The following KIAA1328 variants were observed in gnomAD, a reference collection of about 807,000 sequenced individuals.
The protein encoded by KIAA1328 is protein hinderin.
A neutral mutation model predicts 68.1 loss-of-function variants in KIAA1328; 52 were observed. That is an observed-to-expected ratio of 0.76 (90% CI 0.61 to 0.96). The LOEUF (loss-of-function observed/expected upper bound fraction) is 0.96. Among genes scored for constraint, KIAA1328 ranks in the 40% least tolerant of loss-of-function variants. The probability of loss-of-function intolerance (pLI) is 0.00; values close to 1 mark genes in which losing one functional copy is unlikely to be tolerated. For missense variants in KIAA1328, 641 were observed against 677.6 expected (o/e 0.95, Z 0.60); for synonymous variants, 232 against 239.4 (o/e 0.97, Z 0.28).
At chr18:37,160,101 C>G in intron 7 of KIAA1328, 99 bp from the exon 8 acceptor site, 1 of 869,626 alleles carries the variant, frequency 1.1e-6, no homozygotes, top group East Asian at 2.8e-5. Flanking sequence ...AAAGAGAGTT[C>G]TTAATGAATT....
chr18:37,220,930 G>A (rs541772328), intron 9 of KIAA1328, among the ~76,000 whole-genome samples: 8 of 152,266 alleles, frequency 5.3e-5, no homozygotes, highest in African/African-American at 1.2e-4. Flanking sequence ...AGGTTCAAGC[G>A]ATTCTCCTGC....
chr18:37,042,088 G>A (rs1209192602), intron 6 of KIAA1328, among the ~76,000 whole-genome samples: 3 of 151,852 alleles, frequency 2.0e-5, no homozygotes, highest in Non-Finnish European at 4.4e-5. Flanking sequence ...TGTAGAGTTA[G>A]GTTTTCACCG....
At chr18:37,081,047 C>A (rs989663393) in intron 7 of KIAA1328, among the ~76,000 whole-genome samples, 1 of 151,944 alleles carries the variant, frequency 6.6e-6, no homozygotes, top group Non-Finnish European at 1.5e-5. Context: ...GTGGCGTGAT[C>A]TCGACTCACT....
chr18:37,203,326 T>G (rs1313955602), intron 9 of KIAA1328, among the ~76,000 whole-genome samples: 4 of 152,040 alleles, frequency 2.6e-5, no homozygotes, highest in African/African-American at 4.8e-5. Flanking sequence ...TTTTTCCCAT[T>G]CTCTTTCCCC....
chr18:37,102,405 G>A (rs139611018), intron 7 of KIAA1328, among the ~76,000 whole-genome samples: 208 of 152,238 alleles, frequency 1.4e-3, no homozygotes, highest in African/African-American at 4.9e-3. Context: ...TGCACATCCT[G>A]CACATGCACC....
At chr18:36,961,342 G>A (rs1229151915) in intron 6 of KIAA1328, among the ~76,000 whole-genome samples, 27 of 152,140 alleles carry the variant, frequency 1.8e-4, no homozygotes, top group Admixed American at 1.8e-3. Flanking sequence ...ACATTTGGTT[G>A]GTGTACCTGA....
At chr18:37,094,408 C>T (rs1361015412) in intron 7 of KIAA1328, among the ~76,000 whole-genome samples, 1 of 152,070 alleles carries the variant, frequency 6.6e-6, no homozygotes, top group East Asian at 1.9e-4. Flanking sequence ...CAAAGTTATC[C>T]TTCAAAAATG....
At chr18:36,941,173 G>A (rs1481441817) in intron 5 of KIAA1328, among the ~76,000 whole-genome samples, 1 of 152,150 alleles carries the variant, frequency 6.6e-6, no homozygotes, top group Non-Finnish European at 1.5e-5. Context: ...AAAAGGGACA[G>A]ATTTCAATAT....
chr18:37,048,493 C>A (rs537765690), intron 6 of KIAA1328, among the ~76,000 whole-genome samples: 1 of 152,234 alleles, frequency 6.6e-6, no homozygotes, highest in South Asian at 2.1e-4. Flanking sequence ...GTCTATTTGC[C>A]TATCCTTACT....
intron 4 of KIAA1328, among the ~76,000 whole-genome samples, chr18:36,854,925 G>A (rs2047334220): frequency 6.6e-6 from 1 of 152,062 alleles, no homozygotes; most frequent in Non-Finnish European, 1.5e-5. Flanking sequence ...GTGATCTTTT[G>A]TGTTTGGCTT....
At chr18:36,992,451 C>CTTTTTTTTTT (rs71168252) in intron 6 of KIAA1328, among the ~76,000 whole-genome samples, 243 of 129,940 alleles carry the variant, frequency 1.9e-3, no homozygotes, top group African/African-American at 6.6e-3. Flanking sequence ...TCTTTTCTTT[C>CTTTTTTTTTT]TTTTTTTTTT....
rs539128390 is a variant in KIAA1328, at chr18:37,132,157, G to C, written c.1233-28043G>C. 1.9e-4 allele frequency among the ~76,000 whole-genome samples: 29 copies of C among 152,134 alleles called. No individual in the cohort carries two copies. In the South Asian group the frequency reaches 6.0e-3, roughly 32 times the overall value. On this transcript the variant is annotated intron_variant, in intron 7 of 9. Coordinates refer to ENST00000280020, the MANE Select transcript of KIAA1328 (RefSeq NM_020776.3). ...AAGCTGCCTTCTATCTATGTCCAAGGGCCATTTTTGAGGCCCCTGTGATGG... is the reference window on the plus strand; with the variant it reads ...AAGCTGCCTTCTATCTATGTCCAAGCGCCATTTTTGAGGCCCCTGTGATGG...
chr18:37,177,799 A>C (rs983354384), intron 9 of KIAA1328, among the ~76,000 whole-genome samples: 47 of 152,074 alleles, frequency 3.1e-4, no homozygotes, highest in African/African-American at 1.1e-3. Flanking sequence ...GGACTTGATA[A>C]ATTATTTGGG....
intron 7 of KIAA1328, among the ~76,000 whole-genome samples, chr18:37,099,595 T>C (rs2057533879): frequency 6.6e-6 from 1 of 152,212 alleles, no homozygotes; most frequent in Non-Finnish European, 1.5e-5. Flanking sequence ...TTAGGTCTGC[T>C]TGGTGCAGAG....
chr18:37,133,316 GAA>G (rs879536664), intron 7 of KIAA1328, among the ~76,000 whole-genome samples: 2 of 120,006 alleles, frequency 1.7e-5, no homozygotes, highest in African/African-American at 3.1e-5. Context: ...TGGGCAATAA[GAA>G]AAAAAAAAAA....
intron 9 of KIAA1328, among the ~76,000 whole-genome samples, chr18:37,211,726 A>G (rs1457464712): frequency 6.6e-6 from 1 of 152,196 alleles, no homozygotes; most frequent in East Asian, 1.9e-4. Flanking sequence ...TTTCCATGTT[A>G]TAAATTTTTT....
chr18:37,224,371 G>A lies in KIAA1328; in HGVS notation c.*2144G>A, dbSNP rs889074664. On this transcript the variant is annotated 3_prime_UTR_variant, in exon 10 of 10. Coordinates refer to ENST00000280020, the MANE Select transcript of KIAA1328 (RefSeq NM_020776.3). ...CAGAGTGGAGTTTTATTGCTTCTTT[G>A]CCTCTCCATGAATGGCCAATTTGGA... The A allele has an allele frequency of 1.0e-6, 1 of 985,146 alleles. No homozygotes were observed. Among genetic ancestry groups the A allele is most frequent in the Admixed American group, 6.2e-5 (1 of 16,234 alleles). The allele number at this position is 985,146 out of a possible 1,614,324, so 61.0% of individuals were successfully genotyped here. A position where few individuals can be genotyped will look rare whatever the true frequency, so the allele number is the denominator to read the frequency against.
intron 8 of KIAA1328, among the ~76,000 whole-genome samples, chr18:37,164,245 A>G (rs2059340778): frequency 6.6e-6 from 1 of 152,206 alleles, no homozygotes. Flanking sequence ...CATTTGTTGA[A>G]TGAATTAACA....
At chr18:37,009,995 C>G (rs2053916851) in intron 6 of KIAA1328, among the ~76,000 whole-genome samples, 1 of 152,004 alleles carries the variant, frequency 6.6e-6, no homozygotes, top group Admixed American at 6.6e-5. Context: ...ATGAAAAGGC[C>G]TTAGGCATTA....
Sources: allele counts gnomAD v4.1 joint callset (sites outside exome capture counted in the v4.1 genomes callset), GRCh38; gene constraint gnomAD v4.1.1; transcripts MANE v1.5; gene names NCBI Gene and HGNC (gene_info 2026-07-23, HGNC 2026-07-21).